CADM2: variants seen among roughly 807,000 people sequenced by gnomAD.
CADM2 encodes immunoglobulin superfamily member 4D.
A neutral mutation model predicts 49.8 loss-of-function variants in CADM2; 12 were observed. The ratio of observed to expected loss-of-function variants is 0.24; its 90% CI spans 0.15 to 0.39. The LOEUF (loss-of-function observed/expected upper bound fraction) is 0.39, where lower values mean the gene tolerates loss of function less well. Among genes scored for constraint, CADM2 ranks in the 10% least tolerant of loss-of-function variants. The pLI is 1.00. For missense variants in CADM2, 378 were observed against 492.3 expected, an observed-to-expected ratio of 0.77 and a Z score of 2.20; for synonymous variants, 214 against 175.4, an observed-to-expected ratio of 1.22 and a Z score of -1.74.
intron 1 of CADM2, among the ~76,000 whole-genome samples, chr3:85,612,285 CT>C (rs1291626435): frequency 6.6e-6 from 1 of 151,924 alleles, no homozygotes; most frequent in Non-Finnish European, 1.5e-5. Flanking sequence ...CATAGCCACA[CT>C]TAGCACTGTG....
chr3:85,811,714 G>A (rs2072887762), intron 3 of CADM2, among the ~76,000 whole-genome samples: 1 of 152,044 alleles, frequency 6.6e-6, no homozygotes, highest in Non-Finnish European at 1.5e-5. Flanking sequence ...ATTTTAGACG[G>A]TTGTGGCAGT....
chr3:85,003,565 G>C (rs1365486916), intron 1 of CADM2, among the ~76,000 whole-genome samples: 1 of 152,080 alleles, frequency 6.6e-6, no homozygotes, highest in East Asian at 1.9e-4. Flanking sequence ...GAGTTAGCCA[G>C]TTTTATTATT....
chr3:85,312,280 T>C (rs2044363718), intron 1 of CADM2, among the ~76,000 whole-genome samples: 1 of 152,150 alleles, frequency 6.6e-6, no homozygotes. Context: ...AATAAAGTAA[T>C]TTAAAATTAA....
At chr3:85,032,881 A>G (rs2035048477) in intron 1 of CADM2, among the ~76,000 whole-genome samples, 1 of 152,010 alleles carries the variant, frequency 6.6e-6, no homozygotes, top group African/African-American at 2.4e-5. Context: ...TCTACAATAA[A>G]CTTTTCATGG....
Position 85,759,951 on chromosome 3 carries a change from A to T in CADM2, c.88+33403A>T, listed in dbSNP as rs73142864. On this transcript the variant is annotated intron_variant, in intron 2 of 9. Coordinates refer to ENST00000383699, the MANE Select transcript of CADM2 (RefSeq NM_001167675.2). ...TAAAAAACTTCTGATAAATAAATTT[A>T]TCATGGTAAACATATAGACTTTAAG... Among the ~76,000 whole-genome samples the T allele has an allele frequency of 8.9e-3, 1,354 of 152,266 alleles. 14 individuals are homozygous for T. The highest frequency in any genetic ancestry group is 0.041 in the Middle Eastern group (12 of 294).
chr3:85,512,661 A>G (rs577518836), intron 1 of CADM2, among the ~76,000 whole-genome samples: 16 of 151,968 alleles, frequency 1.1e-4, no homozygotes, highest in African/African-American at 3.9e-4. Flanking sequence ...TGCAGCATGT[A>G]TTGCATCTAA....
chr3:85,666,723 A>G (rs1179397498), intron 1 of CADM2, among the ~76,000 whole-genome samples: 1 of 151,692 alleles, frequency 6.6e-6, no homozygotes, highest in Non-Finnish European at 1.5e-5. Context: ...TATGGGACTG[A>G]ACAACTGTCC....
chr3:85,433,618 G>A (rs1197134147), intron 1 of CADM2, among the ~76,000 whole-genome samples: 1 of 152,116 alleles, frequency 6.6e-6, no homozygotes, highest in Non-Finnish European at 1.5e-5. Flanking sequence ...CTGAGAGAAA[G>A]CATACAACTC....
At chr3:86,038,606 C>T (rs1257724163) in intron 8 of CADM2, among the ~76,000 whole-genome samples, 1 of 152,182 alleles carries the variant, frequency 6.6e-6, no homozygotes, top group Non-Finnish European at 1.5e-5. Context: ...TCCAAACCAT[C>T]TTCTCAATAA....
Position 85,008,638 on chromosome 3 carries a change from GA to G in CADM2, c.61+48979del, listed in dbSNP as rs200449233. Among the ~76,000 whole-genome samples, 1,115 of 149,438 alleles carry G rather than the reference GA, an allele frequency of 7.5e-3. 12 individuals are homozygous for G. The highest frequency in any genetic ancestry group is 0.026 in the African/African-American group (1,060 of 40,762). ...GGTTTCTACTCAAAAACAAAAATTAGAAAAAAAAATTGATTTCAGAAGTGGA... is the reference window on the plus strand; with the variant it reads ...GGTTTCTACTCAAAAACAAAAATTAGAAAAAAAATTGATTTCAGAAGTGGA... On this transcript the variant is annotated intron_variant, in intron 1 of 9. Transcript: ENST00000383699.
chr3:85,886,954 A>G (rs1277032778), intron 5 of CADM2, among the ~76,000 whole-genome samples: 1 of 152,226 alleles, frequency 6.6e-6, no homozygotes, highest in Admixed American at 6.5e-5. Flanking sequence ...GTATTTAAGT[A>G]TAAGAATTGT....
chr3:85,107,368 A>G (rs1026407016), intron 1 of CADM2, among the ~76,000 whole-genome samples: 1 of 152,214 alleles, frequency 6.6e-6, no homozygotes, highest in African/African-American at 2.4e-5. Context: ...CACCATCACC[A>G]GTCATTAAGA....
At chr3:86,066,513 G>GTA in intron 9 of CADM2, 152 bp from the exon 10 acceptor site, 2 of 636,786 alleles carry the variant, frequency 3.1e-6, no homozygotes. Flanking sequence ...CCTGAAAACT[G>GTA]TAAGAAAACA....
intron 1 of CADM2, among the ~76,000 whole-genome samples, chr3:85,538,223 A>G (rs1423547176): frequency 6.6e-6 from 1 of 152,172 alleles, no homozygotes. Context: ...CACAATTCTA[A>G]TAAGAACTCA....
At chr3:85,616,322 G>A (rs1006426210) in intron 1 of CADM2, among the ~76,000 whole-genome samples, 21 of 151,904 alleles carry the variant, frequency 1.4e-4, no homozygotes, top group Admixed American at 1.4e-3. Context: ...ATTAAGTATA[G>A]CATAAAATAG....
At chr3:85,863,187 G>A (rs926966434) in intron 3 of CADM2, among the ~76,000 whole-genome samples, 3 of 152,160 alleles carry the variant, frequency 2.0e-5, no homozygotes, top group African/African-American at 7.2e-5. Context: ...GCATGAATAG[G>A]GGAGTAGAGT....
chr3:84,976,366 A>G (rs1205334398), intron 1 of CADM2, among the ~76,000 whole-genome samples: 6 of 151,670 alleles, frequency 4.0e-5, no homozygotes, highest in Non-Finnish European at 7.4e-5. Flanking sequence ...AAATAAGACT[A>G]TCAGACCAAT....
chr3:85,909,762 C>G (rs186703856), intron 5 of CADM2, among the ~76,000 whole-genome samples: 9 of 152,262 alleles, frequency 5.9e-5, no homozygotes, highest in Admixed American at 2.0e-4. Flanking sequence ...CACGTGGTAT[C>G]AGCAAATAAA....
intron 7 of CADM2, among the ~76,000 whole-genome samples, chr3:85,939,503 A>AC (rs57507647): frequency 2.7e-5 from 4 of 149,602 alleles, no homozygotes; most frequent in Admixed American, 6.7e-5. Context: ...ACACACACAC[A>AC]ACATGAAACC....
Sources: gnomAD v4.1 joint callset for allele counts (sites outside exome capture counted in the v4.1 genomes callset) on GRCh38, gnomAD v4.1.1 for gene constraint, MANE v1.5 for transcripts, NCBI Gene and HGNC (gene_info 2026-07-23, HGNC 2026-07-21) for gene names.